Variants in CAMKMT observed in about 807,000 individuals in gnomAD.
The protein encoded by CAMKMT is CaM KMT.
A neutral mutation model predicts 48.0 loss-of-function variants in CAMKMT; 53 were observed. The observed-to-expected ratio is 1.10, with a 90% confidence interval of 0.89 to 1.39. The LOEUF (loss-of-function observed/expected upper bound fraction) is 1.39. CAMKMT is among the 40% of genes most tolerant of loss of function. CAMKMT has a pLI of 0.00. For missense variants in CAMKMT, 428 were observed against 402.7 expected, an observed-to-expected ratio of 1.06 and a Z score of -0.54; for synonymous variants, 165 against 152.3, an observed-to-expected ratio of 1.08 and a Z score of -0.61.
At chr2:44,724,364 A>G (rs1220009060) in intron 7 of CAMKMT, among the ~76,000 whole-genome samples, 1 of 152,234 alleles carries the variant, frequency 6.6e-6, no homozygotes, top group East Asian at 1.9e-4. Flanking sequence ...AAAGTGGTTC[A>G]TGACCCATCA....
intron 3 of CAMKMT, among the ~76,000 whole-genome samples, chr2:44,665,236 A>T (rs746700665): frequency 8.6e-5 from 13 of 151,998 alleles, no homozygotes; most frequent in Non-Finnish European, 1.6e-4. Flanking sequence ...ATGCCCGGCT[A>T]ATTTTTGTAT....
At chr2:44,746,032 A>G (rs191026881) in intron 8 of CAMKMT, among the ~76,000 whole-genome samples, 29 of 152,346 alleles carry the variant, frequency 1.9e-4, no homozygotes, top group Admixed American at 1.4e-3. Flanking sequence ...CTCTTTAGAC[A>G]CTACCTCCAA....
chr2:44,436,319 C>T (rs1473510358), intron 3 of CAMKMT, among the ~76,000 whole-genome samples: 1 of 152,126 alleles, frequency 6.6e-6, no homozygotes, highest in Non-Finnish European at 1.5e-5. Context: ...CTCAAATGAT[C>T]TGCCCACCTC....
At chr2:44,371,011 T>G (rs950386607) in intron 1 of CAMKMT, among the ~76,000 whole-genome samples, 2 of 151,998 alleles carry the variant, frequency 1.3e-5, no homozygotes, top group African/African-American at 4.8e-5. Flanking sequence ...TGAGGCAGAG[T>G]CTCGCTGTTG....
chr2:44,692,503 C>G lies in CAMKMT; in HGVS notation c.377-11780C>G, dbSNP rs186786926. ...CTATTCACTGTCTGAAATGATCTTA[C>G]TTGTGTCTATTTTCCCTATGAAAGT... On this transcript the variant is annotated intron_variant, in intron 3 of 10. Transcript: ENST00000378494. Among the ~76,000 whole-genome samples, 44 of 152,330 alleles carry G rather than the reference C, an allele frequency of 2.9e-4. No individual in the cohort carries two copies. In the East Asian group the frequency reaches 7.9e-3, roughly 27 times the overall value.
At chr2:44,730,381 G>A (rs948853182) in intron 7 of CAMKMT, among the ~76,000 whole-genome samples, 1 of 152,178 alleles carries the variant, frequency 6.6e-6, no homozygotes, top group Non-Finnish European at 1.5e-5. Flanking sequence ...AGGGCCATCG[G>A]TAATTCTTTT....
chr2:44,430,707 G>A (rs1003371045), intron 3 of CAMKMT, among the ~76,000 whole-genome samples: 1 of 152,076 alleles, frequency 6.6e-6, no homozygotes, highest in Non-Finnish European at 1.5e-5. Context: ...ATAAATAAGA[G>A]TCTTTTTTTC....
chr2:44,405,079 G>A (rs529485551), intron 3 of CAMKMT, among the ~76,000 whole-genome samples: 1 of 151,980 alleles, frequency 6.6e-6, no homozygotes, highest in Admixed American at 6.6e-5. Flanking sequence ...ATAGATACAT[G>A]GGAGTTCATT....
chr2:44,634,393 G>A (rs1288861543), intron 3 of CAMKMT, among the ~76,000 whole-genome samples: 1 of 151,806 alleles, frequency 6.6e-6, no homozygotes, highest in Non-Finnish European at 1.5e-5. Context: ...TTGTCCAATA[G>A]CTGAAAACAA....
At chr2:44,754,975 G>T (rs1045443258) in intron 9 of CAMKMT, among the ~76,000 whole-genome samples, 1 of 152,142 alleles carries the variant, frequency 6.6e-6, no homozygotes, top group African/African-American at 2.4e-5. Context: ...TGAAGTGTGT[G>T]TGTGTTTCTA....
At chr2:44,558,063 ATTCATTCATTCG>A (rs1461834231) in intron 3 of CAMKMT, among the ~76,000 whole-genome samples, 3 of 109,552 alleles carry the variant, frequency 2.7e-5, no homozygotes, top group Non-Finnish European at 6.2e-5. Context: ...TCATTCATTC[ATTCATTCATTCG>A]ATGAGATCTT....
intron 3 of CAMKMT, among the ~76,000 whole-genome samples, chr2:44,397,569 G>A (rs1067338): frequency 0.72 from 108,787 of 151,974 alleles, 39,610 homozygotes; most frequent in South Asian, 0.79. Flanking sequence ...TTGTCAGGAC[G>A]GTTTTTTCTT....
intron 3 of CAMKMT, among the ~76,000 whole-genome samples, chr2:44,660,599 A>G (rs747589347): frequency 5.9e-5 from 9 of 152,202 alleles, no homozygotes; most frequent in Non-Finnish European, 1.2e-4. Context: ...TTTTCCTTGA[A>G]GATCTGGCCA....
At chr2:44,484,161 G>T (rs918965942) in intron 3 of CAMKMT, among the ~76,000 whole-genome samples, 1 of 150,598 alleles carries the variant, frequency 6.6e-6, no homozygotes, top group Non-Finnish European at 1.5e-5. Flanking sequence ...ACTATTAGCA[G>T]AGCAGAAACA....
At chr2:44,492,450 T>A (rs1223969379) in intron 3 of CAMKMT, among the ~76,000 whole-genome samples, 1 of 152,080 alleles carries the variant, frequency 6.6e-6, no homozygotes, top group Non-Finnish European at 1.5e-5. Flanking sequence ...TACTCTTATT[T>A]CCAGGTAAGA....
chr2:44,602,704 A>T (rs1254152830), intron 3 of CAMKMT, among the ~76,000 whole-genome samples: 1 of 152,058 alleles, frequency 6.6e-6, no homozygotes, highest in Non-Finnish European at 1.5e-5. Context: ...AGAGAGAACA[A>T]GGGAGGAAGT....
At chr2:44,571,559 T>A (rs1364957856) in intron 3 of CAMKMT, among the ~76,000 whole-genome samples, 2 of 152,236 alleles carry the variant, frequency 1.3e-5, no homozygotes, top group Non-Finnish European at 2.9e-5. Flanking sequence ...TCAGACTTAA[T>A]AACAAAGACT....
intron 7 of CAMKMT, among the ~76,000 whole-genome samples, chr2:44,728,726 G>T (rs894865556): frequency 3.9e-5 from 6 of 151,906 alleles, no homozygotes; most frequent in African/African-American, 1.5e-4. Context: ...TAGTCTCTGA[G>T]GATCTCTTAT....
intron 3 of CAMKMT, among the ~76,000 whole-genome samples, chr2:44,405,835 C>A (rs1367637481): frequency 3.9e-5 from 6 of 152,108 alleles, no homozygotes; most frequent in Admixed American, 3.9e-4. Flanking sequence ...AATGTATATT[C>A]AACTCTGATT....
Sources: allele counts gnomAD v4.1 joint callset (sites outside exome capture counted in the v4.1 genomes callset), GRCh38; gene constraint gnomAD v4.1.1; transcripts MANE v1.5; gene names NCBI Gene and HGNC (gene_info 2026-07-23, HGNC 2026-07-21).